HDAC4: variants seen among roughly 807,000 people sequenced by gnomAD.
The protein encoded by HDAC4 is histone deacetylase 4, also known as histone deacetylase A.
In HDAC4, 16 loss-of-function variants were observed where a neutral mutation model predicts 135.1. That is an observed-to-expected ratio of 0.12 (90% CI 0.08 to 0.18). The LOEUF (loss-of-function observed/expected upper bound fraction) is 0.18, where lower values mean the gene tolerates loss of function less well. Among genes scored for constraint, HDAC4 ranks in the 10% least tolerant of loss-of-function variants. The pLI, the probability that HDAC4 is intolerant of heterozygous loss-of-function variation, is 1.00. For synonymous variants in HDAC4, 685 were observed against 653.4 expected (o/e 1.05, Z -0.74); for missense variants, 1,143 against 1,511.8 (o/e 0.76, Z 4.05).
rs1002659046 is a variant in HDAC4, at chr2:239,262,546, A to T, written c.23-25882T>A. On this transcript the variant is annotated intron_variant, in intron 2 of 26. Coordinates refer to ENST00000543185, the MANE Select transcript of HDAC4 (RefSeq NM_001378414.1). This position sits in a 1 kb window ranked among gnomAD's most constrained non-coding sequence, Gnocchi z 4.1. ...GTAATGCCATTAGCAGGCAAGACTG[A>T]TCTCTACTCTGAGGGGGCCAGAGCC... Among the ~76,000 whole-genome samples the T allele has an allele frequency of 4.6e-5, 7 of 152,124 alleles. No homozygotes were observed. The highest frequency in any genetic ancestry group is 4.6e-4 in the Admixed American group (7 of 15,280).
intron 3 of HDAC4, among the ~76,000 whole-genome samples, chr2:239,208,629 AAGGCTAC>A (rs1220375398): frequency 1.3e-5 from 2 of 152,294 alleles, no homozygotes; most frequent in South Asian, 2.1e-4. Flanking sequence ...TCCAGACTCC[AAGGCTAC>A]AGATACTGAG....
Position 239,051,703 on chromosome 2 carries a change from G to A in HDAC4, c.*1394C>T, listed in dbSNP as rs549327637. The A allele has an allele frequency of 8.5e-5, 13 of 152,664 alleles. No individual in the cohort carries two copies. The highest frequency in any genetic ancestry group is 2.6e-4 in the African/African-American group (11 of 41,566). 9.5% of individuals were successfully genotyped at this position (152,664 alleles called of 1,614,324 possible). A position where few individuals can be genotyped will look rare whatever the true frequency, so the allele number is the denominator to read the frequency against. ...ACTTGTAGGGTAGTTGCCCAGTGGC[G>A]AATGTGTTGGCGATCTGAAATCTAG... On this transcript the variant is annotated 3_prime_UTR_variant, in exon 27 of 27. Coordinates refer to ENST00000543185, the MANE Select transcript of HDAC4 (RefSeq NM_001378414.1).
intron 1 of HDAC4, among the ~76,000 whole-genome samples, chr2:239,387,949 T>C (rs773817163): frequency 4.6e-5 from 7 of 152,184 alleles, no homozygotes; most frequent in Non-Finnish European, 1.0e-4. Context: ...CCGCTCTCGC[T>C]TGGGGCCGCA....
Position 239,093,567 on chromosome 2 carries a change from T to C in HDAC4, c.2280+1443A>G, listed in dbSNP as rs148798042. Among the ~76,000 whole-genome samples the C allele has an allele frequency of 1.5e-3, 229 of 152,370 alleles. 2 individuals carry two copies. The highest frequency in any genetic ancestry group is 5.5e-3 in the African/African-American group (227 of 41,592). On this transcript the variant is annotated intron_variant, in intron 17 of 26. Transcript: ENST00000543185. ...AGAAAACACATCCTGCCGGTGGCTG[T>C]ACCTCAGGAAGCCCCACGGCCTGCA...
chr2:239,273,820 G>T (rs1047627996), intron 2 of HDAC4, among the ~76,000 whole-genome samples: 1 of 152,218 alleles, frequency 6.6e-6, no homozygotes, highest in Non-Finnish European at 1.5e-5. Flanking sequence ...CATCACAAGT[G>T]ACAGTGGCCC....
intron 22 of HDAC4, among the ~76,000 whole-genome samples, chr2:239,074,734 T>C (rs979871202): frequency 2.0e-5 from 3 of 152,218 alleles, no homozygotes; most frequent in Admixed American, 2.0e-4. Context: ...GAAACGTCCC[T>C]TCTCCTCCAT....
chr2:239,226,568 G>A (rs969319349), intron 3 of HDAC4, among the ~76,000 whole-genome samples: 3 of 152,120 alleles, frequency 2.0e-5, no homozygotes, highest in Admixed American at 6.5e-5. Context: ...ACCAATAACC[G>A]TCTGCTTTCT....
At chr2:239,261,126 A>G (rs1433519036) in intron 2 of HDAC4, among the ~76,000 whole-genome samples, 1 of 152,096 alleles carries the variant, frequency 6.6e-6, no homozygotes, top group Non-Finnish European at 1.5e-5. Context: ...GGCTGGGCTT[A>G]AGCCTCAGCC....
In HDAC4 at chr2:239,163,787, C is replaced by T. The variant is rs1385400238; in HGVS notation, c.611+16G>A. The T allele has an allele frequency of 6.2e-7, 1 of 1,613,536 alleles. No homozygotes were observed. Among genetic ancestry groups the T allele is most frequent in the Admixed American group, 1.7e-5 (1 of 60,010 alleles). On this transcript the variant is annotated intron_variant, in intron 6 of 26. Coordinates refer to ENST00000543185, the MANE Select transcript of HDAC4 (RefSeq NM_001378414.1). ...CCCAGAGAGGAGGCCGGGGTGCTCC[C>T]CACACCCACACTTACCCGTACCAGT...
chr2:239,135,735 G>GC (rs777086080), intron 9 of HDAC4, among the ~76,000 whole-genome samples: 16 of 152,344 alleles, frequency 1.1e-4, no homozygotes, highest in Middle Eastern at 3.4e-3. Flanking sequence ...AGCAGGCATG[G>GC]CAGAGCTATG....
rs1046378666 is a variant in HDAC4 at position 239,245,469 on chromosome 2, A to G, written c.23-8805T>C. On this transcript the variant is annotated intron_variant, in intron 2 of 26. Coordinates refer to ENST00000543185, the MANE Select transcript of HDAC4 (RefSeq NM_001378414.1). The surrounding 1 kb of genome is among the most constrained non-coding windows in gnomAD (Gnocchi z 4.4). ...AGTAAAAATTAAACATCGTTTGGGT[A>G]TAAGATGATATGTAGGAATCATGAT... is the stretch of plus-strand genomic sequence containing the variant. 1.3e-5 allele frequency among the ~76,000 whole-genome samples: 2 copies of G among 152,210 alleles called. No individual in the cohort carries two copies. Among genetic ancestry groups the G allele is most frequent in the African/African-American group, 2.4e-5 (1 of 41,460 alleles).
intron 2 of HDAC4, among the ~76,000 whole-genome samples, chr2:239,295,324 A>G (rs1314601647): frequency 6.6e-6 from 1 of 151,164 alleles, no homozygotes; most frequent in African/African-American, 2.4e-5. Flanking sequence ...AAAAAAAAAA[A>G]AAAAAAAAAG....
intron 3 of HDAC4, among the ~76,000 whole-genome samples, chr2:239,222,777 A>T (rs2047033250): frequency 6.9e-6 from 1 of 145,388 alleles, no homozygotes; most frequent in Admixed American, 6.7e-5. Context: ...GCACGAATTT[A>T]AAGTATTTTT....
chr2:239,190,768 T>C (rs1376905986), intron 3 of HDAC4, among the ~76,000 whole-genome samples: 1 of 152,234 alleles, frequency 6.6e-6, no homozygotes, highest in African/African-American at 2.4e-5. Context: ...CCTGTACTAA[T>C]GTGCTATTGA....
At chr2:239,088,163 A>G (rs1317400429) in intron 18 of HDAC4, among the ~76,000 whole-genome samples, 1 of 152,218 alleles carries the variant, frequency 6.6e-6, no homozygotes, top group Non-Finnish European at 1.5e-5. Context: ...CACTGGGCAG[A>G]AACGCTGTCC....
At chr2:239,062,915 G>A (rs761413047) in intron 24 of HDAC4, among the ~76,000 whole-genome samples, 11 of 152,142 alleles carry the variant, frequency 7.2e-5, no homozygotes, top group Non-Finnish European at 1.5e-4. Context: ...TCCCCTCTCG[G>A]CACCCCTCTG....
At position 239,353,113 on chromosome 2, in the gene HDAC4, G is replaced by A. The variant is rs541009061; in HGVS notation, c.-219-195C>T. On this transcript the variant is annotated intron_variant, in intron 1 of 26. Coordinates refer to ENST00000543185, the MANE Select transcript of HDAC4 (RefSeq NM_001378414.1). The stretch of plus-strand genomic sequence containing the variant: ...CCACCACCCCTGCAACCCTGGGTTC[G>A]AGCAATTCTCCTGCCTCAGCCTCCC... Among the ~76,000 whole-genome samples the A allele has an allele frequency of 6.6e-5, 10 of 152,202 alleles. No individual in the cohort carries two copies. In the East Asian group the frequency reaches 1.4e-3, roughly 21 times the overall value.
At chr2:239,121,039 C>T (rs2039643412) in intron 12 of HDAC4, among the ~76,000 whole-genome samples, 1 of 149,840 alleles carries the variant, frequency 6.7e-6, no homozygotes, top group East Asian at 1.9e-4. Context: ...GCTCTGTTGC[C>T]CAGGCTGGAG....
chr2:239,090,324 C>T (rs886321412), intron 17 of HDAC4, among the ~76,000 whole-genome samples: 1 of 152,090 alleles, frequency 6.6e-6, no homozygotes. Flanking sequence ...GAGAATTTAC[C>T]AGAAGAAAGA....
Sources: gnomAD v4.1 joint callset for allele counts (sites outside exome capture counted in the v4.1 genomes callset) on GRCh38, gnomAD v4.1.1 for gene constraint, Gnocchi (gnomAD v3.1) non-coding constraint, MANE v1.5 for transcripts, NCBI Gene and HGNC (gene_info 2026-07-23, HGNC 2026-07-21) for gene names.